The following PCDHA4 variants were observed in gnomAD, a reference collection of about 807,000 sequenced individuals.
PCDHA4 encodes protocadherin alpha-4.
A neutral mutation model predicts 61.4 loss-of-function variants in PCDHA4; 49 were observed. That is an observed-to-expected ratio of 0.80 (90% CI 0.63 to 1.01). PCDHA4 has a LOEUF of 1.01. Ranked by LOEUF, PCDHA4 falls within the 50% of genes least tolerant of loss-of-function variation. The pLI, the probability that PCDHA4 is intolerant of heterozygous loss-of-function variation, is 0.00. For synonymous variants in PCDHA4, 590 were observed against 550.3 expected (o/e 1.07, Z -1.01); for missense variants, 1,254 against 1,235.8 (o/e 1.01, Z -0.22).
At chr5:140,882,887 G>A (rs781927732) in intron 1 of PCDHA4, 43 of 1,614,050 alleles carry the variant, frequency 2.7e-5, no homozygotes, top group Non-Finnish European at 3.6e-5. Context: ...GGAAATTCAG[G>A]AACATAGTTT....
chr5:140,824,889 A>T (rs1412625207), intron 1 of PCDHA4: 1 of 152,054 alleles, frequency 6.6e-6, no homozygotes, highest in African/African-American at 2.4e-5. Context: ...GGTTTATTTC[A>T]ACTTTGCCTA....
At chr5:140,920,011 C>T (rs782647025) in intron 1 of PCDHA4, among the ~76,000 whole-genome samples, 2 of 152,088 alleles carry the variant, frequency 1.3e-5, no homozygotes, top group Non-Finnish European at 2.9e-5. Context: ...AAAGGCCATG[C>T]GAAGATGGAG....
At chr5:140,893,261 C>T (rs2063902016) in intron 1 of PCDHA4, among the ~76,000 whole-genome samples, 1 of 152,104 alleles carries the variant, frequency 6.6e-6, no homozygotes, top group Non-Finnish European at 1.5e-5. Context: ...TGGATAAATG[C>T]CCAATAGTGG....
chr5:140,926,652 C>T, intron 1 of PCDHA4: 1 of 499,312 alleles, frequency 2.0e-6, no homozygotes, highest in East Asian at 3.6e-5. Flanking sequence ...CGGCCGGCTC[C>T]GCTTTCCCAG....
chr5:140,848,313 C>G lies in PCDHA4; in HGVS notation c.2385+38741C>G, dbSNP rs1781433977. ...TGGGCCACGTGATGTCACTCTTTGCCGCGATGTTCTCTCTGAATCCAGACA... is the reference window on the plus strand; with the variant it reads ...TGGGCCACGTGATGTCACTCTTTGCGGCGATGTTCTCTCTGAATCCAGACA... On this transcript the variant is annotated intron_variant, in intron 1 of 3. Transcript: ENST00000530339. 8 of 730,624 alleles carry G rather than the reference C, an allele frequency of 1.1e-5. 1 individual carries two copies. Among genetic ancestry groups the G allele is most frequent in the Non-Finnish European group, 1.8e-5 (8 of 440,500 alleles). The allele number at this position is 730,624 out of a possible 1,614,324, so 45.3% of individuals were successfully genotyped here.
intron 1 of PCDHA4, among the ~76,000 whole-genome samples, chr5:140,922,302 A>G (rs2080767601): frequency 6.6e-6 from 1 of 152,222 alleles, no homozygotes; most frequent in African/African-American, 2.4e-5. Flanking sequence ...AGGAGAGGAT[A>G]CCTTTCACTG....
At chr5:140,944,406 C>A (rs1003379783) in intron 1 of PCDHA4, among the ~76,000 whole-genome samples, 1 of 152,084 alleles carries the variant, frequency 6.6e-6, no homozygotes, top group Non-Finnish European at 1.5e-5. Context: ...AGGCTGGTCT[C>A]GAACTCCTGA....
chr5:140,891,688 T>G (rs2063203967), intron 1 of PCDHA4, among the ~76,000 whole-genome samples: 1 of 152,224 alleles, frequency 6.6e-6, no homozygotes, highest in Non-Finnish European at 1.5e-5. Flanking sequence ...TCTCTCTTCT[T>G]GCTGTTGTCT....
At chr5:140,827,274 G>A (rs1444530469) in intron 1 of PCDHA4, among the ~76,000 whole-genome samples, 2 of 152,192 alleles carry the variant, frequency 1.3e-5, no homozygotes, top group Admixed American at 6.5e-5. Context: ...TTTAGGAACA[G>A]CTGAAGAATC....
intron 1 of PCDHA4, chr5:140,822,363 G>A: frequency 6.2e-7 from 1 of 1,614,118 alleles, no homozygotes; most frequent in South Asian, 1.1e-5. Context: ...TGGTTTTGAG[G>A]AAATCCTTAG....
chr5:140,994,142 G>C (rs550428204), intron 3 of PCDHA4, among the ~76,000 whole-genome samples: 8 of 152,180 alleles, frequency 5.3e-5, no homozygotes, highest in Admixed American at 4.6e-4. Context: ...AATGCCCTAC[G>C]TAGGTAGGGT....
intron 3 of PCDHA4, among the ~76,000 whole-genome samples, chr5:140,996,604 A>G (rs1554255259): frequency 1.3e-5 from 2 of 152,090 alleles, no homozygotes; most frequent in African/African-American, 4.8e-5. Flanking sequence ...CCCCATTTTC[A>G]TTTGGCAAAT....
intron 1 of PCDHA4, among the ~76,000 whole-genome samples, chr5:140,906,117 C>A (rs1554192403): frequency 6.6e-6 from 1 of 152,180 alleles, no homozygotes; most frequent in Non-Finnish European, 1.5e-5. Flanking sequence ...AGTCCACTGA[C>A]ACAAATGTTA....
At chr5:140,926,861 G>T in intron 1 of PCDHA4, 1 of 1,522,578 alleles carries the variant, frequency 6.6e-7, no homozygotes, top group Non-Finnish European at 8.8e-7. Flanking sequence ...TTGGTGTAGC[G>T]TGTTGGTGGA....
intron 1 of PCDHA4, chr5:140,825,972 A>G (rs1430190441): frequency 6.6e-6 from 1 of 152,342 alleles, no homozygotes; most frequent in Non-Finnish European, 1.5e-5. Context: ...TTTGAGGGGA[A>G]AAGTATGGAT....
At position 140,808,457 on chromosome 5, in the gene PCDHA4, G is replaced by A. The variant is rs1554124562; in HGVS notation, c.1270G>A (p.Val424Met). ...DRESVSAYEL[V>M]VTARDGGSPS... ...CGAGAGCGTGTCAGCCTATGAGCTGGTGGTGACCGCGCGAGACGGGGGCTC... is the reference window on the plus strand; with the variant it reads ...CGAGAGCGTGTCAGCCTATGAGCTGATGGTGACCGCGCGAGACGGGGGCTC... The change falls in exon 1 of 4, where the codon GTG (valine) becomes ATG (methionine). Residue 424 changes from valine to methionine, a missense_variant. Val to Met is a conservative substitution (Grantham distance 21, BLOSUM62 1). Coordinates refer to ENST00000530339, the MANE Select transcript of PCDHA4 (RefSeq NM_018907.4). The A allele has an allele frequency of 6.2e-7, 1 of 1,614,204 alleles. No individual in the cohort carries two copies. The highest frequency in any genetic ancestry group is 2.2e-5 in the East Asian group (1 of 44,884).
chr5:140,881,445 A>C, intron 1 of PCDHA4: 1 of 783,070 alleles, frequency 1.3e-6, no homozygotes, highest in Non-Finnish European at 1.6e-6. Flanking sequence ...TAAAAACAGA[A>C]TCCAAAACCT....
intron 1 of PCDHA4, chr5:140,856,754 G>T: frequency 6.3e-7 from 1 of 1,596,774 alleles, no homozygotes; most frequent in Non-Finnish European, 8.6e-7. Context: ...AGATGCCAAT[G>T]ATAACGCCCC....
intron 1 of PCDHA4, among the ~76,000 whole-genome samples, chr5:140,971,368 G>A (rs1433220574): frequency 1.3e-5 from 2 of 152,186 alleles, no homozygotes; most frequent in Non-Finnish European, 2.9e-5. Context: ...TGCCAGGAGA[G>A]TGCATGACTT....
Sources: allele counts gnomAD v4.1 joint callset (sites outside exome capture counted in the v4.1 genomes callset), GRCh38; gene constraint gnomAD v4.1.1; transcripts MANE v1.5; gene names NCBI Gene and HGNC (gene_info 2026-07-23, HGNC 2026-07-21).